Variants in RBFOX1 observed in about 807,000 individuals in gnomAD.
RBFOX1 encodes RNA binding fox-1 homolog 1.
Under a neutral mutation model 57.7 loss-of-function variants are expected in RBFOX1, and 8 were observed. That is an observed-to-expected ratio of 0.14 (90% CI 0.08 to 0.25). The LOEUF (loss-of-function observed/expected upper bound fraction) is 0.25, where lower values mean the gene tolerates loss of function less well. RBFOX1 is among the 10% of genes least tolerant of loss of function. RBFOX1 has a pLI of 1.00. For missense variants in RBFOX1, 611 were observed against 548.5 expected, an observed-to-expected ratio of 1.11 and a Z score of -1.14; for synonymous variants, 326 against 222.4, an observed-to-expected ratio of 1.47 and a Z score of -4.15.
At chr16:6,502,365 G>T (rs183161437) in intron 2 of RBFOX1, among the ~76,000 whole-genome samples, 12 of 152,218 alleles carry the variant, frequency 7.9e-5, no homozygotes, top group African/African-American at 2.9e-4. Context: ...CCAAGAAGAG[G>T]TGTCCCAAAC....
intron 2 of RBFOX1, among the ~76,000 whole-genome samples, chr16:5,472,002 T>G (rs974003414): frequency 1.3e-5 from 2 of 152,312 alleles, no homozygotes; most frequent in Non-Finnish European, 2.9e-5. Context: ...AGGCTGTTTT[T>G]CAGATTGCGG....
At chr16:6,784,657 GA>G (rs1181381433) in intron 3 of RBFOX1, among the ~76,000 whole-genome samples, 1 of 151,742 alleles carries the variant, frequency 6.6e-6, no homozygotes, top group Non-Finnish European at 1.5e-5. Context: ...TGTTTTCCTA[GA>G]TGTTCTCCTT....
At chr16:6,297,536 G>C (rs2078267786) in intron 1 of RBFOX1, among the ~76,000 whole-genome samples, 1 of 152,122 alleles carries the variant, frequency 6.6e-6, no homozygotes, top group Admixed American at 6.5e-5. Flanking sequence ...AATGAGAATA[G>C]TGGTGATTTG....
chr16:7,440,618 A>G (rs552052073), intron 4 of RBFOX1, among the ~76,000 whole-genome samples: 1 of 152,130 alleles, frequency 6.6e-6, no homozygotes, highest in Non-Finnish European at 1.5e-5. Context: ...TGCTTAATGA[A>G]TTTATTAATT....
intron 2 of RBFOX1, among the ~76,000 whole-genome samples, chr16:5,494,445 A>G (rs2042935168): frequency 6.6e-6 from 1 of 152,224 alleles, no homozygotes; most frequent in Admixed American, 6.5e-5. Flanking sequence ...GAATTTGGCA[A>G]TGATGAATTA....
intron 2 of RBFOX1, among the ~76,000 whole-genome samples, chr16:6,628,097 G>A (rs574542228): frequency 6.6e-6 from 1 of 152,272 alleles, no homozygotes; most frequent in Non-Finnish European, 1.5e-5. Context: ...CTGTTCAGGA[G>A]GCAAAGTTTT....
intron 2 of RBFOX1, among the ~76,000 whole-genome samples, chr16:6,321,030 G>T (rs996176526): frequency 2.3e-4 from 35 of 152,140 alleles, no homozygotes; most frequent in Admixed American, 3.9e-4. Flanking sequence ...CTGACCTCAG[G>T]TGATCCTCCT....
At chr16:7,482,469 AGTTGTT>A (rs139487781) in intron 4 of RBFOX1, among the ~76,000 whole-genome samples, 4 of 88,088 alleles carry the variant, frequency 4.5e-5, no homozygotes, top group African/African-American at 1.7e-4. Context: ...ATTTCATCCC[AGTTGTT>A]GTTGTTGTTG....
At chr16:5,982,921 G>A (rs1596340408) in intron 4 of RBFOX1, among the ~76,000 whole-genome samples, 1 of 152,204 alleles carries the variant, frequency 6.6e-6, no homozygotes, top group African/African-American at 2.4e-5. Flanking sequence ...GTGAATGAAT[G>A]GGTGAGTACA....
intron 2 of RBFOX1, among the ~76,000 whole-genome samples, chr16:6,442,657 G>A (rs919775707): frequency 3.3e-5 from 5 of 152,102 alleles, no homozygotes; most frequent in Non-Finnish European, 7.4e-5. Flanking sequence ...GTATGCAGAA[G>A]TCGCCAGAAA....
intron 4 of RBFOX1, among the ~76,000 whole-genome samples, chr16:5,952,978 T>C (rs1419159977): frequency 3.9e-5 from 6 of 152,200 alleles, no homozygotes; most frequent in African/African-American, 1.4e-4. Context: ...ATGTTAATAT[T>C]ATCACTAGGA....
intron 4 of RBFOX1, among the ~76,000 whole-genome samples, chr16:7,276,950 G>A (rs746825895): frequency 2.0e-5 from 3 of 152,102 alleles, no homozygotes; most frequent in South Asian, 2.1e-4. Context: ...AGTTTGTGAG[G>A]CAATATAATC....
intron 4 of RBFOX1, among the ~76,000 whole-genome samples, chr16:7,185,110 C>T (rs370494601): frequency 7.6e-4 from 115 of 152,288 alleles, no homozygotes; most frequent in African/African-American, 2.6e-3. Flanking sequence ...AACCACCTAA[C>T]AGTGGGGTAT....
intron 2 of RBFOX1, among the ~76,000 whole-genome samples, chr16:6,596,105 C>T (rs966602492): frequency 6.6e-6 from 1 of 152,032 alleles, no homozygotes; most frequent in Non-Finnish European, 1.5e-5. Flanking sequence ...GGATTGTCAG[C>T]AGCACAATTA....
At chr16:5,446,591 G>T (rs577975281) in intron 1 of RBFOX1, among the ~76,000 whole-genome samples, 1 of 152,172 alleles carries the variant, frequency 6.6e-6, no homozygotes, top group Admixed American at 6.5e-5. Context: ...TAACAGGAGG[G>T]TGGCTTGATC....
intron 3 of RBFOX1, among the ~76,000 whole-genome samples, chr16:5,676,567 GTGCTCAGAACA>G (rs981311226): frequency 1.3e-5 from 2 of 152,150 alleles, no homozygotes; most frequent in African/African-American, 4.8e-5. Context: ...TGCCTGGAAA[GTGCTCAGAACA>G]TGCTGGGTGT....
At chr16:6,617,794 C>T (rs2098165453) in intron 2 of RBFOX1, among the ~76,000 whole-genome samples, 1 of 152,126 alleles carries the variant, frequency 6.6e-6, no homozygotes, top group Non-Finnish European at 1.5e-5. Context: ...GGATAAAGTA[C>T]AGCAATTTTC....
chr16:6,443,899 A>G (rs1017841833), intron 2 of RBFOX1, among the ~76,000 whole-genome samples: 3 of 151,946 alleles, frequency 2.0e-5, no homozygotes, highest in Non-Finnish European at 4.4e-5. Flanking sequence ...TTCAATTAAC[A>G]TTTATTGAAT....
intron 2 of RBFOX1, among the ~76,000 whole-genome samples, chr16:6,453,229 A>G (rs1469293770): frequency 2.0e-5 from 3 of 152,086 alleles, no homozygotes; most frequent in Non-Finnish European, 4.4e-5. Flanking sequence ...TGTCATCTAC[A>G]TTAGGTATTT....
Sources: gnomAD v4.1 joint callset for allele counts (sites outside exome capture counted in the v4.1 genomes callset) on GRCh38, gnomAD v4.1.1 for gene constraint, MANE v1.5 for transcripts, NCBI Gene and HGNC (gene_info 2026-07-23, HGNC 2026-07-21) for gene names.